The following JPH2 variants were observed in gnomAD, a reference collection of about 807,000 sequenced individuals.
JPH2 encodes junctophilin-2.
Under a neutral mutation model 55.9 loss-of-function variants are expected in JPH2, and 38 were observed. The observed-to-expected ratio is 0.68, with a 90% CI of 0.52 to 0.89. The LOEUF (loss-of-function observed/expected upper bound fraction) is 0.89. Among genes scored for constraint, JPH2 ranks in the 40% least tolerant of loss-of-function variants. The probability of loss-of-function intolerance (pLI) is 0.00; values close to 1 mark genes in which losing one functional copy is unlikely to be tolerated. For synonymous variants in JPH2, 480 were observed against 472.4 expected (o/e 1.02, Z -0.21); for missense variants, 964 against 1,037.6 (o/e 0.93, Z 0.97).
chr20:44,186,734 T>C lies in JPH2; in HGVS notation c.-29A>G. ...ATCATAGCCCCTGACAACCTCCCCGTCCTCCAGCGTGGGTGCAGAGGGCGT... is the reference window on the plus strand; with the variant it reads ...ATCATAGCCCCTGACAACCTCCCCGCCCTCCAGCGTGGGTGCAGAGGGCGT... On this transcript the variant is annotated 5_prime_UTR_variant, in exon 1 of 6. Transcript: ENST00000372980. 2.5e-6 allele frequency: 4 copies of C among 1,594,646 alleles called. No individual in the cohort carries two copies. The highest frequency in any genetic ancestry group is 1.1e-5 in the South Asian group (1 of 90,924).
intron 1 of JPH2, among the ~76,000 whole-genome samples, chr20:44,169,201 G>C (rs1238607002): frequency 7.5e-6 from 1 of 133,966 alleles, no homozygotes; most frequent in Non-Finnish European, 1.5e-5. Flanking sequence ...TTTTGAGATA[G>C]AGTCTTTCTC....
At chr20:44,129,757 TGG>T (rs920357260) in intron 2 of JPH2, among the ~76,000 whole-genome samples, 3 of 152,108 alleles carry the variant, frequency 2.0e-5, no homozygotes, top group Admixed American at 6.6e-5. Context: ...TAGATCATCC[TGG>T]ATTAGACAGG....
In JPH2 at chr20:44,134,305, A is replaced by T. The variant is rs866063045; in HGVS notation, c.1170-15682T>A. 3.0e-4 allele frequency among the ~76,000 whole-genome samples: 9 copies of T among 29,618 alleles called. 4 individuals carry two copies. The highest frequency in any genetic ancestry group is 3.9e-4 in the Non-Finnish European group (7 of 18,080). The allele number at this position is 29,618 out of a possible 152,430, so 19.4% of individuals were successfully genotyped here. A position where few individuals can be genotyped will look rare whatever the true frequency, so the allele number is the denominator to read the frequency against. ...ATAAATATTTATTATAAATATAATA[A>T]ATATTTATTATAAATATATAATAAA... On this transcript the variant is annotated intron_variant, in intron 2 of 5. Coordinates refer to ENST00000372980, the MANE Select transcript of JPH2 (RefSeq NM_020433.5).
At chr20:44,162,787 T>TACATACATAC (rs2072623374) in intron 1 of JPH2, among the ~76,000 whole-genome samples, 3 of 41,006 alleles carry the variant, frequency 7.3e-5, no homozygotes, top group African/African-American at 3.7e-4. Context: ...TATATATATA[T>TACATACATAC]ACACACACAC....
chr20:44,181,979 T>C (rs1033055723), intron 1 of JPH2, among the ~76,000 whole-genome samples: 5 of 152,170 alleles, frequency 3.3e-5, no homozygotes, highest in African/African-American at 1.2e-4. Context: ...CCTAAATAAA[T>C]ATTTACTGGA....
chr20:44,183,661 G>A (rs923191034), intron 1 of JPH2, among the ~76,000 whole-genome samples: 1 of 152,220 alleles, frequency 6.6e-6, no homozygotes, highest in Admixed American at 6.5e-5. Flanking sequence ...AAAAAGAGGA[G>A]ACACTAGTGA....
At chr20:44,143,708 G>A (rs541856155) in intron 2 of JPH2, among the ~76,000 whole-genome samples, 18 of 152,312 alleles carry the variant, frequency 1.2e-4, no homozygotes, top group African/African-American at 4.3e-4. Flanking sequence ...CTCAGGCTCT[G>A]CTTTTGCAGG....
intron 1 of JPH2, among the ~76,000 whole-genome samples, chr20:44,181,672 C>T (rs1222817725): frequency 6.6e-6 from 1 of 152,214 alleles, no homozygotes; most frequent in African/African-American, 2.4e-5. Flanking sequence ...TTGGACCTCC[C>T]AGCTTTTGCA....
At chr20:44,138,948 G>A (rs916657451) in intron 2 of JPH2, among the ~76,000 whole-genome samples, 1 of 152,094 alleles carries the variant, frequency 6.6e-6, no homozygotes, top group Non-Finnish European at 1.5e-5. Flanking sequence ...TTTGGCAATC[G>A]CTGCCTTGCC....
intron 1 of JPH2, among the ~76,000 whole-genome samples, chr20:44,167,204 G>A (rs1049067964): frequency 6.6e-6 from 1 of 152,120 alleles, no homozygotes; most frequent in African/African-American, 2.4e-5. Context: ...ACTTTCCACA[G>A]GTGCCATTGA....
chr20:44,163,489 A>G (rs2425630), intron 1 of JPH2, among the ~76,000 whole-genome samples: 101,163 of 151,944 alleles, frequency 0.67, 34,705 homozygotes, highest in Admixed American at 0.8. Context: ...ACCCCATCCT[A>G]CCTCTTCTGC....
At chr20:44,114,318 G>A (rs571767965) in intron 5 of JPH2, among the ~76,000 whole-genome samples, 13 of 152,296 alleles carry the variant, frequency 8.5e-5, no homozygotes, top group South Asian at 8.3e-4. Flanking sequence ...GTGTCCCACC[G>A]TCCCAGGTGA....
chr20:44,175,052 A>G (rs561979168), intron 1 of JPH2, among the ~76,000 whole-genome samples: 5 of 152,158 alleles, frequency 3.3e-5, no homozygotes, highest in African/African-American at 1.2e-4. Flanking sequence ...TGCAAAAAAA[A>G]TCCAAACAAG....
chr20:44,158,519 G>A (rs943217507), intron 2 of JPH2, among the ~76,000 whole-genome samples: 3 of 152,214 alleles, frequency 2.0e-5, no homozygotes, highest in African/African-American at 7.2e-5. Flanking sequence ...TTGTTAAAGG[G>A]ACTGAGTGAG....
chr20:44,114,826 C>A lies in JPH2; in HGVS notation c.2061G>T (p.Leu687=). The change falls in exon 5 of 6, where the codon CTG becomes CTT. Residue 687 remains leucine (L), a synonymous_variant. Coordinates refer to ENST00000372980, the MANE Select transcript of JPH2 (RefSeq NM_020433.5). The part of the protein sequence containing the change: ...ICMVILLNIG[L]AILFVHLLT ...TCAGGAGGTGAACAAAGAGGATGGCCAGGCCGATGTTCAGCAGGATCACCA... is the reference window on the plus strand; with the variant it reads ...TCAGGAGGTGAACAAAGAGGATGGCAAGGCCGATGTTCAGCAGGATCACCA... The A allele has an allele frequency of 1.2e-6, 2 of 1,607,582 alleles. No individual in the cohort carries two copies. Among genetic ancestry groups the A allele is most frequent in the Non-Finnish European group, 1.7e-6 (2 of 1,177,670 alleles).
In JPH2 at chr20:44,106,662, C is replaced by A. The variant is rs560518074; in HGVS notation, c.*6856G>T. Among the ~76,000 whole-genome samples, 15 of 152,196 alleles carry A rather than the reference C, an allele frequency of 9.9e-5. No homozygotes were observed. Among genetic ancestry groups the A allele is most frequent in the Admixed American group, 7.9e-4 (12 of 15,278 alleles). On this transcript the variant is annotated 3_prime_UTR_variant, in exon 6 of 6. Transcript: ENST00000372980. ...GAAGCCTCACAATCATGGTGGAAGA[C>A]AAGGAGGAGCAAGTCACATCTTACT...
rs1188056822 is a variant in JPH2 at position 44,134,382 on chromosome 20, A to ATATTTATT, written c.1170-15760_1170-15759insAATAAATA. Among the ~76,000 whole-genome samples, 6 of 6,094 alleles carry ATATTTATT rather than the reference A, an allele frequency of 9.8e-4. 1 individual carries two copies. Among genetic ancestry groups the ATATTTATT allele is most frequent in the African/African-American group, 5.3e-3 (6 of 1,122 alleles). The allele number at this position is 6,094 out of a possible 152,430, so 4.0% of individuals were successfully genotyped here. On this transcript the variant is annotated intron_variant, in intron 2 of 5. Transcript: ENST00000372980. ...TATATATTTATTATAAATATATATA[A>ATATTTATT]ATAAATATATATTTATTATAAATAT... is the stretch of plus-strand genomic sequence containing the variant.
rs190060144 is a variant in JPH2 at position 44,109,286 on chromosome 20, C to T, written c.*4232G>A. On this transcript the variant is annotated 3_prime_UTR_variant, in exon 6 of 6. Coordinates refer to ENST00000372980, the MANE Select transcript of JPH2 (RefSeq NM_020433.5). Reference sequence around the variant, plus strand: ...GAATACCTACACCATGGAGATACTGCGAAGAATGGAAAATAGCAGTGCATT... The same window carrying T: ...GAATACCTACACCATGGAGATACTGTGAAGAATGGAAAATAGCAGTGCATT... Among the ~76,000 whole-genome samples, 28 of 152,302 alleles carry T rather than the reference C, an allele frequency of 1.8e-4. No individual in the cohort carries two copies. The highest frequency in any genetic ancestry group is 3.2e-4 in the Non-Finnish European group (22 of 68,026).
chr20:44,184,231 G>A (rs908590463), intron 1 of JPH2, among the ~76,000 whole-genome samples: 1 of 152,160 alleles, frequency 6.6e-6, no homozygotes, highest in South Asian at 2.1e-4. Context: ...AATTGAGGAT[G>A]TTACGTAGGG....
Sources: gnomAD v4.1 joint callset for allele counts (sites outside exome capture counted in the v4.1 genomes callset) on GRCh38, gnomAD v4.1.1 for gene constraint, MANE v1.5 for transcripts, NCBI Gene and HGNC (gene_info 2026-07-23, HGNC 2026-07-21) for gene names.